ADAM18: variants seen among roughly 807,000 people sequenced by gnomAD.
ADAM18 encodes the protein ADAM metallopeptidase domain 18, also known as disintegrin and metalloproteinase domain-containing protein 18.
ADAM18 carries 117 observed loss-of-function variants against 94.4 expected under a neutral mutation model. That is an observed-to-expected ratio of 1.24 (90% CI 1.07 to 1.45). The LOEUF is 1.45. ADAM18 is among the 40% of genes most tolerant of loss of function. ADAM18 has a pLI of 0.00. For missense variants in ADAM18, 936 were observed against 880.0 expected, an observed-to-expected ratio of 1.06 and a Z score of -0.81; for synonymous variants, 327 against 291.6, an observed-to-expected ratio of 1.12 and a Z score of -1.24.
chr8:39,701,885 T>C (rs1259421794), intron 17 of ADAM18, among the ~76,000 whole-genome samples: 1 of 152,208 alleles, frequency 6.6e-6, no homozygotes, highest in African/African-American at 2.4e-5. Flanking sequence ...ATTAAGTCTA[T>C]CCTTGATGGG....
intron 2 of ADAM18, among the ~76,000 whole-genome samples, chr8:39,591,051 C>T (rs1173492326): frequency 2.6e-5 from 4 of 152,128 alleles, no homozygotes; most frequent in African/African-American, 9.7e-5. Context: ...TGCAATAGTG[C>T]TATGGCTAAA....
At chr8:39,608,736 G>T (rs542650449) in intron 3 of ADAM18, among the ~76,000 whole-genome samples, 1 of 152,036 alleles carries the variant, frequency 6.6e-6, no homozygotes, top group African/African-American at 2.4e-5. Context: ...CTGAATCCCA[G>T]CACCTACATG....
At chr8:39,603,329 A>C (rs1417810049) in intron 2 of ADAM18, among the ~76,000 whole-genome samples, 1 of 152,154 alleles carries the variant, frequency 6.6e-6, no homozygotes, top group East Asian at 1.9e-4. Context: ...TCTTCTCAAA[A>C]TTTTGGTGGC....
chr8:39,685,695 T>A (rs1487311425), intron 16 of ADAM18, among the ~76,000 whole-genome samples: 1 of 152,214 alleles, frequency 6.6e-6, no homozygotes, highest in African/African-American at 2.4e-5. Flanking sequence ...AATTTTTTAG[T>A]TCTGCTTTCC....
In ADAM18 at chr8:39,701,150, T is replaced by A. The variant is rs1193389206; in HGVS notation, c.1903-5640T>A. ...AAAAAAAAAAAAAAAAAAAAAAAAATTTATTGTAATGTAAGTGTGGTTTAT... is the reference window on the plus strand; with the variant it reads ...AAAAAAAAAAAAAAAAAAAAAAAAAATTATTGTAATGTAAGTGTGGTTTAT... On this transcript the variant is annotated intron_variant, in intron 17 of 19. Transcript: ENST00000265707. Among the ~76,000 whole-genome samples, 782 of 79,176 alleles carry A rather than the reference T, an allele frequency of 9.9e-3. 3 individuals are homozygous for A. The highest frequency in any genetic ancestry group is 0.026 in the Middle Eastern group (3 of 116). 51.9% of individuals were successfully genotyped at this position (79,176 alleles called of 152,430 possible).
At position 39,723,924 on chromosome 8, in the gene ADAM18, A is replaced by T. The variant is rs1822831801; in HGVS notation, c.2177+17A>T. ...GTATAATCGGTAAATATGATATAGA[A>T]TCAATGTATTAGGTTTAATTATCCT... On this transcript the variant is annotated intron_variant, in intron 19 of 19. Transcript: ENST00000265707. 7.1e-7 allele frequency: 1 copy of T among 1,400,136 alleles called. No individual in the cohort carries two copies. The highest frequency in any genetic ancestry group is 1.5e-5 in the African/African-American group (1 of 67,412). The allele number at this position is 1,400,136 out of a possible 1,614,324, so 86.7% of individuals were successfully genotyped here.
chr8:39,586,337 G>C (rs1455174773), intron 2 of ADAM18, among the ~76,000 whole-genome samples: 1 of 152,048 alleles, frequency 6.6e-6, no homozygotes, highest in East Asian at 1.9e-4. Flanking sequence ...AAAAGACAGA[G>C]GATTAAAAAA....
chr8:39,674,481 G>A lies in ADAM18; in HGVS notation c.1526-2950G>A, dbSNP rs528620371. Among the ~76,000 whole-genome samples, 20 of 151,938 alleles carry A rather than the reference G, an allele frequency of 1.3e-4. No individual in the cohort carries two copies. In the East Asian group the frequency reaches 1.4e-3, roughly 10 times the overall value. ...TTGCTTTCCATTTGCTTGGTAGATC[G>A]TCCCCCATCCCTTTATTTTGAGCCT... On this transcript the variant is annotated intron_variant, in intron 14 of 19. Coordinates refer to ENST00000265707, the MANE Select transcript of ADAM18 (RefSeq NM_014237.3).
At chr8:39,670,995 T>G (rs1159970032) in intron 14 of ADAM18, among the ~76,000 whole-genome samples, 3 of 152,238 alleles carry the variant, frequency 2.0e-5, no homozygotes, top group Non-Finnish European at 2.9e-5. Context: ...TTCAAGAACT[T>G]GTTGGATTTG....
intron 18 of ADAM18, among the ~76,000 whole-genome samples, chr8:39,716,193 A>T (rs1822572364): frequency 6.6e-6 from 1 of 150,986 alleles, no homozygotes; most frequent in African/African-American, 2.4e-5. Flanking sequence ...TTTCTATTTC[A>T]TTTATTTCTG....
intron 17 of ADAM18, among the ~76,000 whole-genome samples, chr8:39,704,099 C>T (rs1034762421): frequency 3.3e-5 from 5 of 151,854 alleles, no homozygotes; most frequent in East Asian, 3.9e-4. Context: ...AAGCCCAGGA[C>T]GATAGATTCA....
intron 7 of ADAM18, among the ~76,000 whole-genome samples, chr8:39,636,573 T>C (rs936457467): frequency 6.6e-6 from 1 of 152,156 alleles, no homozygotes; most frequent in African/African-American, 2.4e-5. Context: ...TTTAAAAGTA[T>C]ATATGTTTAA....
At chr8:39,710,432 A>C (rs917574630) in intron 18 of ADAM18, among the ~76,000 whole-genome samples, 1 of 152,230 alleles carries the variant, frequency 6.6e-6, no homozygotes, top group African/African-American at 2.4e-5. Flanking sequence ...AATGACTCCA[A>C]ATTTTCTCAA....
At chr8:39,721,395 T>C (rs373499324) in intron 18 of ADAM18, among the ~76,000 whole-genome samples, 20 of 151,306 alleles carry the variant, frequency 1.3e-4, no homozygotes, top group African/African-American at 4.8e-4. Flanking sequence ...GCAACGAAAG[T>C]AAAAATGGAC....
chr8:39,625,606 T>C (rs1315499734), intron 6 of ADAM18, among the ~76,000 whole-genome samples: 3 of 152,174 alleles, frequency 2.0e-5, no homozygotes, highest in Non-Finnish European at 4.4e-5. Flanking sequence ...TCCTTCTTTG[T>C]CTTTTTCCAG....
rs1254269675 is a variant in ADAM18, at chr8:39,610,676, C to T, written c.492C>T (p.Asp164=). 6 of 1,613,292 alleles carry T rather than the reference C, an allele frequency of 3.7e-6. No individual in the cohort carries two copies. The highest frequency in any genetic ancestry group is 5.1e-6 in the Non-Finnish European group (6 of 1,179,554). ...ATTACAGTCATATTTGGCAGAAAGA[C>T]CAGCCCTACAAAGTTCCTTTAAACT... is the stretch of plus-strand genomic sequence containing the variant. ...AVNYSHIWQK[D]QPYKVPLNSQ... is the part of the protein sequence containing the mutation. Residue 164 remains aspartate (D), a synonymous_variant, in exon 6 of 20, where the codon GAC becomes GAT. Transcript: ENST00000265707.
At chr8:39,657,730 C>T (rs988024412) in intron 12 of ADAM18, among the ~76,000 whole-genome samples, 6 of 151,990 alleles carry the variant, frequency 3.9e-5, no homozygotes, top group East Asian at 3.9e-4. Flanking sequence ...ACTTTAGATA[C>T]GTTCATTTTA....
At chr8:39,710,368 G>T (rs991392625) in intron 18 of ADAM18, among the ~76,000 whole-genome samples, 2 of 151,822 alleles carry the variant, frequency 1.3e-5, no homozygotes, top group African/African-American at 4.8e-5. Flanking sequence ...ATACTTAAAG[G>T]GTAATTCAGA....
intron 11 of ADAM18, among the ~76,000 whole-genome samples, chr8:39,646,272 A>G (rs188045276): frequency 1.3e-5 from 2 of 152,276 alleles, no homozygotes; most frequent in East Asian, 1.9e-4. Flanking sequence ...GTGCTATCCA[A>G]TAGAAATAAA....
Sources: allele counts gnomAD v4.1 joint callset (sites outside exome capture counted in the v4.1 genomes callset), GRCh38; gene constraint gnomAD v4.1.1; transcripts MANE v1.5; gene names NCBI Gene and HGNC (gene_info 2026-07-23, HGNC 2026-07-21).